Variants in RPTOR observed in about 807,000 individuals in gnomAD.
RPTOR encodes the protein regulatory associated protein of MTOR complex 1, also known as regulatory-associated protein of mTOR.
RPTOR carries 21 observed loss-of-function variants against 169.9 expected under a neutral mutation model. The observed-to-expected ratio is 0.12, with a 90% CI of 0.09 to 0.18. The LOEUF is 0.18. Among genes scored for constraint, RPTOR ranks in the 10% least tolerant of loss-of-function variants. The probability of loss-of-function intolerance (pLI) is 1.00; values close to 1 mark genes in which losing one functional copy is unlikely to be tolerated. For synonymous variants in RPTOR, 732 were observed against 753.2 expected, an observed-to-expected ratio of 0.97 and a Z score of 0.46; for missense variants, 1,133 against 1,855.9, an observed-to-expected ratio of 0.61 and a Z score of 7.16.
chr17:80,642,904 A>G (rs2143595220), intron 2 of RPTOR, among the ~76,000 whole-genome samples: 1 of 152,354 alleles, frequency 6.6e-6, no homozygotes, highest in East Asian at 1.9e-4. Context: ...ATCAAACCAC[A>G]TATTCCAGAA....
intron 7 of RPTOR, 101 bp downstream of exon 7, chr17:80,791,610 C>A: frequency 3.0e-6 from 3 of 991,124 alleles, no homozygotes; most frequent in South Asian, 1.6e-5. Flanking sequence ...ATCAACATGG[C>A]ATGTTCCCTT....
chr17:80,699,887 A>G (rs1339132292), intron 3 of RPTOR, among the ~76,000 whole-genome samples: 6 of 148,166 alleles, frequency 4.0e-5, no homozygotes, highest in East Asian at 2.0e-4. Context: ...TACGCACAGT[A>G]CCCTGGTGCA....
chr17:80,744,127 CCCTGGCTACTAGCACTAT>C (rs1567888192), intron 5 of RPTOR, among the ~76,000 whole-genome samples: 10 of 81,126 alleles, frequency 1.2e-4, no homozygotes, highest in South Asian at 4.1e-4. Flanking sequence ...ACTAGCACAG[CCCTGGCTACTAGCACTAT>C]CCTGGTTACT....
intron 5 of RPTOR, among the ~76,000 whole-genome samples, chr17:80,743,919 A>G (rs371739691): frequency 1.6e-5 from 1 of 60,648 alleles, no homozygotes; most frequent in African/African-American, 8.2e-5. Flanking sequence ...AGCCCTGGTT[A>G]CTAGCAGAGC....
intron 33 of RPTOR, 94 bp from the exon 34 acceptor site, chr17:80,964,168 G>A: frequency 9.3e-7 from 1 of 1,074,428 alleles, no homozygotes; most frequent in Admixed American, 1.8e-5. Flanking sequence ...CCCGGCAGGA[G>A]CTGCCTAAGG....
rs971305245 is a variant in RPTOR at position 80,723,498 on chromosome 17, A to G, written c.508-7062A>G. Among the ~76,000 whole-genome samples the G allele has an allele frequency of 5.9e-5, 9 of 151,416 alleles. 2 individuals carry two copies. Among genetic ancestry groups the G allele is most frequent in the African/African-American group, 2.2e-4 (9 of 40,714 alleles). ...TCTTGGGTTATAATCCATTATTATT[A>G]TCATTATTTATTTTGTTACTGAAAT... On this transcript the variant is annotated intron_variant, in intron 4 of 33. Transcript: ENST00000306801.
At chr17:80,684,088 G>T (rs1187445318) in intron 3 of RPTOR, among the ~76,000 whole-genome samples, 6 of 152,172 alleles carry the variant, frequency 3.9e-5, no homozygotes, top group African/African-American at 1.4e-4. Flanking sequence ...TCTGCCTGTG[G>T]ACTGAGGGGT....
intron 3 of RPTOR, among the ~76,000 whole-genome samples, chr17:80,653,599 G>C (rs1158150049): frequency 6.6e-6 from 1 of 152,222 alleles, no homozygotes; most frequent in African/African-American, 2.4e-5. Flanking sequence ...TGTGAAGTCT[G>C]GGTGCAGCTT....
intron 5 of RPTOR, among the ~76,000 whole-genome samples, chr17:80,752,689 G>T (rs2066641801): frequency 6.6e-6 from 1 of 152,188 alleles, no homozygotes; most frequent in Non-Finnish European, 1.5e-5. Flanking sequence ...GTCCTTGGTG[G>T]TATAAGGATC....
chr17:80,643,278 G>A (rs2065567701), intron 2 of RPTOR, among the ~76,000 whole-genome samples: 2 of 152,144 alleles, frequency 1.3e-5, no homozygotes, highest in Non-Finnish European at 2.9e-5. Context: ...GGAATACTGA[G>A]TGCAGATGAA....
Position 80,960,118 on chromosome 17 carries a change from C to G in RPTOR, c.3518C>G (p.Ser1173Cys). 2 of 1,613,688 alleles carry G rather than the reference C, an allele frequency of 1.2e-6. No homozygotes were observed. Among genetic ancestry groups the G allele is most frequent in the Non-Finnish European group, 1.7e-6 (2 of 1,179,996 alleles). The stretch of plus-strand genomic sequence containing the variant: ...GCAGACAGCTGTGTGACGAGTCTGT[C>G]CTGTGATTCCCACCGCTCACTCATC... ...TGADSCVTSL[S>C]CDSHRSLIVA... Residue 1173 changes from serine (S) to cysteine (C), a missense_variant, in exon 30 of 34, where the codon TCC becomes TGC. Physicochemically the swap from Ser to Cys is moderately radical, Grantham distance 112. Transcript: ENST00000306801. This position sits in a 1 kb window ranked among gnomAD's most constrained non-coding sequence, Gnocchi z 4.8.
chr17:80,648,245 G>A (rs543084612), intron 3 of RPTOR, among the ~76,000 whole-genome samples: 1 of 152,168 alleles, frequency 6.6e-6, no homozygotes, highest in Non-Finnish European at 1.5e-5. Flanking sequence ...CTGTTGGGAG[G>A]AGGGGGTTTG....
intron 7 of RPTOR, among the ~76,000 whole-genome samples, chr17:80,800,130 T>C (rs140041542): frequency 1.1e-4 from 17 of 152,320 alleles, no homozygotes; most frequent in South Asian, 4.1e-4. Flanking sequence ...TTTCATGCCC[T>C]CTGGAAGGCT....
intron 6 of RPTOR, among the ~76,000 whole-genome samples, chr17:80,760,747 AGAAGGGCGATGCTCGG>A (rs2066729141): frequency 6.6e-6 from 1 of 152,206 alleles, no homozygotes; most frequent in African/African-American, 2.4e-5. Flanking sequence ...GGTGACCTGG[AGAAGGGCGATGCTCGG>A]GAAGGTGGAT....
chr17:80,896,095 T>C (rs942924342), intron 20 of RPTOR, among the ~76,000 whole-genome samples: 1 of 152,222 alleles, frequency 6.6e-6, no homozygotes, highest in Non-Finnish European at 1.5e-5. Context: ...CCTAAACATA[T>C]TCTCCTACAT....
rs749403472 is a variant in RPTOR at position 80,704,035 on chromosome 17, G to A, written c.349-3806G>A. ...TCCAGGACTTGGTGCTTTTTTGTTG[G>A]GTGTGGAGAGACATGGGCGAGATGG... On this transcript the variant is annotated intron_variant, in intron 3 of 33. Coordinates refer to ENST00000306801, the MANE Select transcript of RPTOR (RefSeq NM_020761.3). Among the ~76,000 whole-genome samples the A allele has an allele frequency of 3.3e-5, 5 of 152,096 alleles. No individual in the cohort carries two copies. The South Asian group carries it at 1.0e-3, about 31-fold the overall frequency.
chr17:80,865,421 G>A (rs1317695362), intron 13 of RPTOR, among the ~76,000 whole-genome samples: 2 of 152,172 alleles, frequency 1.3e-5, no homozygotes, highest in Non-Finnish European at 2.9e-5. Context: ...TTGGCATAAA[G>A]ACACGAGTAG....
At chr17:80,962,897 A>G (rs778352854) in intron 32 of RPTOR, 31 bp from the exon 33 acceptor site, 3 of 1,612,426 alleles carry the variant, frequency 1.9e-6, no homozygotes, top group Admixed American at 1.7e-5. Flanking sequence ...AGAAGAGGGC[A>G]GTGATGCCGG....
chr17:80,670,929 C>T (rs2065817187), intron 3 of RPTOR, among the ~76,000 whole-genome samples: 1 of 152,140 alleles, frequency 6.6e-6, no homozygotes, highest in Non-Finnish European at 1.5e-5. Context: ...GTTACCCTCT[C>T]TGTGGTGGAG....
Sources: gnomAD v4.1 joint callset for allele counts (sites outside exome capture counted in the v4.1 genomes callset) on GRCh38, gnomAD v4.1.1 for gene constraint, Gnocchi (gnomAD v3.1) non-coding constraint, MANE v1.5 for transcripts, NCBI Gene and HGNC (gene_info 2026-07-23, HGNC 2026-07-21) for gene names.